RIMBP2: variants seen among roughly 807,000 people sequenced by gnomAD.
RIMBP2 encodes the protein RIMS-binding protein 2.
Under a neutral mutation model 118.6 loss-of-function variants are expected in RIMBP2, and 48 were observed. The observed-to-expected ratio is 0.40, with a 90% CI of 0.32 to 0.51. The LOEUF is 0.51. Among genes scored for constraint, RIMBP2 ranks in the 20% least tolerant of loss-of-function variants. RIMBP2 has a pLI of 0.41. For synonymous variants in RIMBP2, 762 were observed against 742.9 expected, an observed-to-expected ratio of 1.03 and a Z score of -0.42; for missense variants, 1,551 against 1,768.3, an observed-to-expected ratio of 0.88 and a Z score of 2.20.
At chr12:130,398,642 G>A in intron 22 of RIMBP2, 1 of 152,510 alleles carries the variant, frequency 6.6e-6, no homozygotes, top group Non-Finnish European at 1.5e-5. Flanking sequence ...AACACGTTCT[G>A]GCCACTCGAG....
intron 2 of RIMBP2, among the ~76,000 whole-genome samples, chr12:130,531,883 T>C (rs1193474908): frequency 6.6e-6 from 1 of 151,482 alleles, no homozygotes; most frequent in African/African-American, 2.4e-5. Context: ...TTACGTCTAA[T>C]GAGATGCGTA....
chr12:130,485,630 T>C (rs2082406193), intron 4 of RIMBP2, among the ~76,000 whole-genome samples: 1 of 152,242 alleles, frequency 6.6e-6, no homozygotes, highest in Non-Finnish European at 1.5e-5. Flanking sequence ...AAAGGCAGAC[T>C]GTATCATCTT....
intron 2 of RIMBP2, among the ~76,000 whole-genome samples, chr12:130,586,389 T>C (rs2058882879): frequency 6.6e-6 from 1 of 152,150 alleles, no homozygotes. Flanking sequence ...GAGGCAGAAG[T>C]TGCAGTGAGC....
intron 4 of RIMBP2, among the ~76,000 whole-genome samples, chr12:130,502,913 C>A (rs939586960): frequency 9.2e-5 from 14 of 152,116 alleles, no homozygotes; most frequent in Non-Finnish European, 2.1e-4. Context: ...TACCCCTTTC[C>A]CTTGGTAGGG....
intron 18 of RIMBP2, among the ~76,000 whole-genome samples, 184 bp from the exon 19 acceptor site, chr12:130,412,971 A>G (rs2075835156): frequency 6.6e-6 from 1 of 152,154 alleles, no homozygotes. Context: ...CCCTCGCTCT[A>G]TGACTCTGAC....
At chr12:130,690,580 T>C (rs2065266186) in intron 1 of RIMBP2, among the ~76,000 whole-genome samples, 1 of 152,224 alleles carries the variant, frequency 6.6e-6, no homozygotes, top group Non-Finnish European at 1.5e-5. Context: ...CCCTTTTGGC[T>C]AATTCCAGTG....
chr12:130,528,347 A>C (rs921093713), intron 2 of RIMBP2, among the ~76,000 whole-genome samples: 2 of 152,354 alleles, frequency 1.3e-5, no homozygotes, highest in Admixed American at 6.5e-5. Flanking sequence ...ATGCAGGAAC[A>C]AAAAACTAAA....
intron 2 of RIMBP2, among the ~76,000 whole-genome samples, chr12:130,601,438 G>A (rs182046447): frequency 3.4e-5 from 5 of 149,034 alleles, no homozygotes; most frequent in Admixed American, 6.8e-5. Context: ...TATCCATCAT[G>A]TTGAAAAGCC....
intron 1 of RIMBP2, among the ~76,000 whole-genome samples, chr12:130,649,545 C>A (rs1037418831): frequency 6.6e-6 from 1 of 152,188 alleles, no homozygotes; most frequent in African/African-American, 2.4e-5. Flanking sequence ...TTCCCACAGC[C>A]GTTCTGTGCA....
chr12:130,630,045 T>A (rs561809359), intron 1 of RIMBP2, among the ~76,000 whole-genome samples: 1 of 143,694 alleles, frequency 7.0e-6, no homozygotes, highest in African/African-American at 2.5e-5. Context: ...AAGAACAAGA[T>A]GCTAAAAAGA....
At chr12:130,663,066 G>T (rs1336516932) in intron 1 of RIMBP2, among the ~76,000 whole-genome samples, 1 of 152,214 alleles carries the variant, frequency 6.6e-6, no homozygotes, top group Admixed American at 6.5e-5. Flanking sequence ...TGGTTCCCAC[G>T]TGCGGCCAAG....
chr12:130,698,023 G>A (rs76470459), intron 1 of RIMBP2, among the ~76,000 whole-genome samples: 19,667 of 152,098 alleles, frequency 0.13, 2,619 homozygotes, highest in African/African-American at 0.34. Context: ...TTGCGGTCAC[G>A]GGCGTGGAGA....
chr12:130,643,172 G>A (rs10773806), intron 1 of RIMBP2, among the ~76,000 whole-genome samples: 49,818 of 151,980 alleles, frequency 0.33, 8,384 homozygotes, highest in African/African-American at 0.4. Flanking sequence ...GCTAAGCCCC[G>A]GTGAGAGTTC....
chr12:130,584,148 G>A (rs548197686), intron 2 of RIMBP2, among the ~76,000 whole-genome samples: 18 of 134,274 alleles, frequency 1.3e-4, no homozygotes, highest in South Asian at 5.1e-4. Context: ...CATATGTAAC[G>A]GTGGTTACAT....
chr12:130,440,566 C>A (rs1028105923), intron 11 of RIMBP2, among the ~76,000 whole-genome samples: 1 of 152,330 alleles, frequency 6.6e-6, no homozygotes, highest in Middle Eastern at 3.4e-3. Context: ...CCTTCACCTC[C>A]TGACTCCCCA....
chr12:130,405,830 C>G (rs2075121957), intron 21 of RIMBP2, among the ~76,000 whole-genome samples: 1 of 151,916 alleles, frequency 6.6e-6, no homozygotes, highest in Admixed American at 6.6e-5. Context: ...TATTTTTGAC[C>G]TATACAGTTA....
chr12:130,527,453 T>C (rs1251759077), intron 2 of RIMBP2, among the ~76,000 whole-genome samples: 1 of 152,118 alleles, frequency 6.6e-6, no homozygotes, highest in Non-Finnish European at 1.5e-5. Flanking sequence ...ATTGCACATA[T>C]GCCAATAATG....
chr12:130,574,593 T>A (rs2057945502), intron 2 of RIMBP2, among the ~76,000 whole-genome samples: 1 of 152,164 alleles, frequency 6.6e-6, no homozygotes, highest in African/African-American at 2.4e-5. Flanking sequence ...CAGCTTCCCC[T>A]TTCTGGTCTG....
chr12:130,506,786 A>C lies in RIMBP2; in HGVS notation c.-126-16T>G. On this transcript the variant is annotated splice_polypyrimidine_tract_variant and intron_variant, in intron 3 of 22. Coordinates refer to ENST00000690449, the MANE Select transcript of RIMBP2 (RefSeq NM_001393629.1). Reference sequence around the variant, plus strand: ...CTGCCTTCACCTGCAAGCGGAAGGGATGGAGACAAGGAGGTTATCACAACA... The same window carrying C: ...CTGCCTTCACCTGCAAGCGGAAGGGCTGGAGACAAGGAGGTTATCACAACA... 5 of 985,660 alleles carry C rather than the reference A, an allele frequency of 5.1e-6. No homozygotes were observed. The highest frequency in any genetic ancestry group is 6.0e-6 in the Non-Finnish European group (5 of 829,936). The allele number at this position is 985,660 out of a possible 1,614,324, so 61.1% of individuals were successfully genotyped here. A position where few individuals can be genotyped will look rare whatever the true frequency, so the allele number is the denominator to read the frequency against.
Sources: allele counts gnomAD v4.1 joint callset (sites outside exome capture counted in the v4.1 genomes callset), GRCh38; gene constraint gnomAD v4.1.1; transcripts MANE v1.5; gene names NCBI Gene and HGNC (gene_info 2026-07-23, HGNC 2026-07-21).